IGFALS: variants seen among roughly 807,000 people sequenced by gnomAD.
IGFALS encodes the protein insulin like growth factor binding protein acid labile subunit, also known as insulin-like growth factor-binding protein complex acid labile subunit.
In IGFALS, 2 loss-of-function variants were observed where a neutral mutation model predicts 2.6. That is an observed-to-expected ratio of 0.77 (90% CI 0.32 to 2.44). The LOEUF (loss-of-function observed/expected upper bound fraction) is 2.44, where lower values mean the gene tolerates loss of function less well. IGFALS is among the 30% of genes most tolerant of loss of function. The pLI is 0.11. For synonymous variants in IGFALS, 519 were observed against 431.9 expected (o/e 1.20, Z -2.50); for missense variants, 996 against 848.7 (o/e 1.17, Z -2.16).
chr16:1,793,871 C>T, upstream of IGFALS: 1 of 433,208 alleles, frequency 2.3e-6, no homozygotes, highest in Non-Finnish European at 4.1e-6. Context: ...GAGGGAGCTT[C>T]AGTCGGGGCC....
At position 1,791,445 on chromosome 16, in the gene IGFALS, G is replaced by T. The variant is rs367952733; in HGVS notation, c.973C>A (p.Arg325Ser). 1.2e-6 allele frequency: 2 copies of T among 1,612,390 alleles called. No individual in the cohort carries two copies. Among genetic ancestry groups the T allele is most frequent in the African/African-American group, 1.3e-5 (1 of 75,058 alleles). The part of the protein sequence containing the change: ...FLEELQLGHN[R>S]IRQLAERSFE... ...CTGCGCTCAGCCAGCTGCCGGATGC[G>T]GTTGTGGCCCAGCTGCAGCTCCTCC... Residue 325 changes from arginine (R) to serine (S), a missense_variant, in exon 2 of 2, where the codon CGC (arginine) becomes AGC (serine). Arg to Ser is a moderately radical substitution (Grantham distance 110). Transcript: ENST00000215539.
In IGFALS at chr16:1,792,014, C is replaced by T. The variant is rs568872022; in HGVS notation, c.404G>A (p.Arg135His). ...TGCAAACGTGCCGAGTGCCAGGCTGCGCAGCTGGTTCCGCTCCAGGTGCAG... is the reference window on the plus strand; with the variant it reads ...TGCAAACGTGCCGAGTGCCAGGCTGTGCAGCTGGTTCCGCTCCAGGTGCAG... ...CHLHLERNQL[R>H]SLALGTFAHT... The change falls in exon 2 of 2, where the codon CGC (arginine) becomes CAC (histidine). Residue 135 changes from arginine (R) to histidine (H), a missense_variant. Physicochemically the swap from Arg to His is conservative, Grantham distance 29. Coordinates refer to ENST00000215539, the MANE Select transcript of IGFALS (RefSeq NM_004970.3). The T allele has an allele frequency of 5.3e-5, 85 of 1,609,498 alleles. 3 individuals are homozygous for T. In the South Asian group the frequency reaches 7.6e-4, roughly 14 times the overall value.
rs769145652 is a variant in IGFALS, at chr16:1,793,653, C to G, written c.-1G>C. The G allele has an allele frequency of 1.3e-6, 2 of 1,596,580 alleles. No individual in the cohort carries two copies. Among genetic ancestry groups the G allele is most frequent in the East Asian group, 4.5e-5 (2 of 44,168 alleles). ...GGGCCTCACCTTTCCTCAGGGCCATCCTGCATGCAGGGCAGGCTGCAGGCA... is the reference window on the plus strand; with the variant it reads ...GGGCCTCACCTTTCCTCAGGGCCATGCTGCATGCAGGGCAGGCTGCAGGCA... On this transcript the variant is annotated 5_prime_UTR_variant, in exon 1 of 2. Coordinates refer to ENST00000215539, the MANE Select transcript of IGFALS (RefSeq NM_004970.3).
Position 1,792,202 on chromosome 16 carries a change from G to C in IGFALS, c.216C>G (p.Val72=), listed in dbSNP as rs753460598. The C allele has an allele frequency of 1.4e-5, 22 of 1,610,298 alleles. No homozygotes were observed. In the South Asian group the frequency reaches 2.3e-4, roughly 17 times the overall value. Residue 72 remains valine, a synonymous_variant, in exon 2 of 2, where the codon GTC becomes GTG. Coordinates refer to ENST00000215539, the MANE Select transcript of IGFALS (RefSeq NM_004970.3). ...SRNLTRLPDG[V]PGGTQALWLD... is the part of the protein sequence containing the mutation. Reference sequence around the variant, plus strand: ...GCCACAGGGCTTGGGTGCCGCCCGGGACTCCATCAGGCAGGCGCGTGAGGT... The same window carrying C: ...GCCACAGGGCTTGGGTGCCGCCCGGCACTCCATCAGGCAGGCGCGTGAGGT...
chr16:1,790,939 G>A lies in IGFALS; in HGVS notation c.1479C>T (p.Arg493=), dbSNP rs1468137211. 2 of 1,594,132 alleles carry A rather than the reference G, an allele frequency of 1.3e-6. No individual in the cohort carries two copies. Among genetic ancestry groups the A allele is most frequent in the African/African-American group, 2.7e-5 (2 of 74,824 alleles). Residue 493 remains arginine (R), a synonymous_variant, in exon 2 of 2, where the codon CGC becomes CGT. Transcript: ENST00000215539. ...AGAGGCTGTTGGGCAATGCCTCCAG[G>A]CGGTTGTGCGAGACGTCCAGCCAGA... ...RAFWLDVSHN[R]LEALPNSLLA...
intron 1 of IGFALS, chr16:1,792,657 G>A (rs1475237561): frequency 4.0e-6 from 2 of 494,446 alleles, no homozygotes; most frequent in Non-Finnish European, 6.4e-6. Context: ...GCTGTGCGCA[G>A]GCCACGTGGG....
rs751658571 is a variant in IGFALS, at chr16:1,791,544, G to C, written c.874C>G (p.Leu292Val). The change falls in exon 2 of 2, where the codon CTG becomes GTG. Residue 292 changes from leucine to valine, a missense_variant. Transcript: ENST00000215539. ...TTGTGGGACAGCCGCAGCACACGCA[G>C]GCCCAGCAGACCGGGGAACGTGTCC... The part of the protein sequence containing the change: ...LEDTFPGLLG[L>V]RVLRLSHNAI... 7.0e-6 allele frequency: 11 copies of C among 1,581,502 alleles called. No individual in the cohort carries two copies. The South Asian group carries it at 1.3e-4, about 18-fold the overall frequency.
At position 1,790,734 on chromosome 16, in the gene IGFALS, C is replaced by G. The variant is rs190570821; in HGVS notation, c.1684G>C (p.Val562Leu). ...TCGTCCCCCTCACAGATGGCCTGGA[C>G]GAAGCGGGGCACAGCACTGGGGTTC... ...LQNPSAVPRF[V>L]QAICEGDDCQ... is the part of the protein sequence containing the mutation. The change falls in exon 2 of 2, where the codon GTC becomes CTC. Residue 562 changes from valine (V) to leucine (L), a missense_variant. Coordinates refer to ENST00000215539, the MANE Select transcript of IGFALS (RefSeq NM_004970.3). 1 of 1,606,150 alleles carries G rather than the reference C, an allele frequency of 6.2e-7. No individual in the cohort carries two copies. Among genetic ancestry groups the G allele is most frequent in the East Asian group, 2.2e-5 (1 of 44,516 alleles).
Position 1,791,523 on chromosome 16 carries a change from G to A in IGFALS, c.895C>T (p.His299Tyr), listed in dbSNP as rs777125326. 6.3e-7 allele frequency: 1 copy of A among 1,598,060 alleles called. No homozygotes were observed. The highest frequency in any genetic ancestry group is 1.3e-5 in the African/African-American group (1 of 74,504). Reference protein sequence around the residue: ...LLGLRVLRLSHNAIASLRPRT... With the variant: ...LLGLRVLRLSYNAIASLRPRT... The stretch of plus-strand genomic sequence containing the variant: ...GGCCGCAGGCTGGCGATGGCGTTGT[G>A]GGACAGCCGCAGCACACGCAGGCCC... The change falls in exon 2 of 2, where the codon CAC (histidine) becomes TAC (tyrosine). Residue 299 changes from histidine (H) to tyrosine (Y), a missense_variant. Coordinates refer to ENST00000215539, the MANE Select transcript of IGFALS (RefSeq NM_004970.3).
rs36098011 is a variant in IGFALS, at chr16:1,792,253, C to T, written c.165G>A (p.Glu55=). ...TCCTGGAGCTGCAGAAGACGCTGAG[C>T]TCATCCGCGTCGTCATCGTAGCTGC... ...CVCSYDDDAD[E]LSVFCSSRNL... Residue 55 remains glutamate, a synonymous_variant, in exon 2 of 2, where the codon GAG becomes GAA. Transcript: ENST00000215539. 22 of 1,602,696 alleles carry T rather than the reference C, an allele frequency of 1.4e-5. No individual in the cohort carries two copies. The highest frequency in any genetic ancestry group is 1.9e-5 in the Non-Finnish European group (22 of 1,179,720).
rs527997472 is a variant in IGFALS at position 1,792,219 on chromosome 16, G to A, written c.199C>T (p.Arg67Cys). ...CCGCCCGGGACTCCATCAGGCAGGC[G>A]CGTGAGGTTCCTGGAGCTGCAGAAG... ...SVFCSSRNLTRLPDGVPGGTQ... is the reference protein window; with the variant it reads ...SVFCSSRNLTCLPDGVPGGTQ... The change falls in exon 2 of 2, where the codon CGC becomes TGC. Residue 67 changes from arginine to cysteine, a missense_variant. Physicochemically the swap from Arg to Cys is radical, Grantham distance 180. Transcript: ENST00000215539. 1.1e-5 allele frequency: 18 copies of A among 1,607,842 alleles called. No individual in the cohort carries two copies. Among genetic ancestry groups the A allele is most frequent in the African/African-American group, 4.0e-5 (3 of 75,054 alleles).
In IGFALS at chr16:1,791,803, C is replaced by A; in HGVS notation, c.615G>T (p.Arg205Ser). 1.3e-6 allele frequency: 2 copies of A among 1,548,698 alleles called. No homozygotes were observed. The highest frequency in any genetic ancestry group is 1.7e-6 in the Non-Finnish European group (2 of 1,149,482). The change falls in exon 2 of 2, where the codon AGG (arginine) becomes AGT (serine). Residue 205 changes from arginine to serine, a missense_variant. Coordinates refer to ENST00000215539, the MANE Select transcript of IGFALS (RefSeq NM_004970.3). ...AGAGCGCGGGCTGCAGGTAGGCCAG[C>A]CTGTTGCCCGCCAGCACCAGCTCGC... ...SLRELVLAGN[R>S]LAYLQPALFS...
At chr16:1,793,570 C>G in intron 1 of IGFALS, 67 bp downstream of exon 1, 1 of 1,509,198 alleles carries the variant, frequency 6.6e-7, no homozygotes, top group Non-Finnish European at 9.0e-7. Context: ...CCGGCCTCTC[C>G]CCAGCGGGCT....
upstream of IGFALS, chr16:1,794,888 G>A (rs529295455): frequency 1.1e-4 from 75 of 702,310 alleles, no homozygotes; most frequent in Admixed American, 1.6e-4. Context: ...CACTGTCATC[G>A]TCTTCCCTTT....
rs1276810237 is a variant in IGFALS, at chr16:1,790,489, C to T, written c.*111G>A. 8.5e-6 allele frequency: 8 copies of T among 944,842 alleles called. No homozygotes were observed. The highest frequency in any genetic ancestry group is 1.4e-5 in the South Asian group (1 of 71,600). 58.5% of individuals were successfully genotyped at this position (944,842 alleles called of 1,614,324 possible). ...TGCCTTCCACCCCATCAGGCCCTTG[C>T]GTCTTCCAGCAAGTGCACTGGGCAG... On this transcript the variant is annotated 3_prime_UTR_variant, in exon 2 of 2. Coordinates refer to ENST00000215539, the MANE Select transcript of IGFALS (RefSeq NM_004970.3).
intron 1 of IGFALS, among the ~76,000 whole-genome samples, chr16:1,792,900 C>G (rs780035172): frequency 2.9e-4 from 44 of 152,362 alleles, no homozygotes; most frequent in Middle Eastern, 3.4e-3. Flanking sequence ...GTTAGGCCCC[C>G]CAGCGGGGTC....
chr16:1,791,769 G>C lies in IGFALS; in HGVS notation c.649C>G (p.Leu217Val). 6.5e-7 allele frequency: 1 copy of C among 1,549,360 alleles called. No individual in the cohort carries two copies. The highest frequency in any genetic ancestry group is 8.7e-7 in the Non-Finnish European group (1 of 1,151,078). Residue 217 changes from leucine to valine, a missense_variant, in exon 2 of 2, where the codon CTG becomes GTG. By Grantham distance (32) the Leu-to-Val change is conservative. Transcript: ENST00000215539. The part of the protein sequence containing the change: ...AYLQPALFSG[L>V]AELRELDLSR... ...AGGTCCAGCTCCCGGAGCTCGGCCA[G>C]GCCGCTGAAGAGCGCGGGCTGCAGG...
At chr16:1,794,118 C>T (rs2142014227), upstream of IGFALS, among the ~76,000 whole-genome samples, 1 of 152,170 alleles carries the variant, frequency 6.6e-6, no homozygotes, top group Non-Finnish European at 1.5e-5. Context: ...GAGTAGCCAG[C>T]CGTGTGGGGC....
chr16:1,794,444 C>T (rs1897291795), upstream of IGFALS, among the ~76,000 whole-genome samples: 1 of 152,158 alleles, frequency 6.6e-6, no homozygotes, highest in Non-Finnish European at 1.5e-5. Context: ...CCTCACCTGC[C>T]CCTTGCTGTC....
Sources: allele counts gnomAD v4.1 joint callset (sites outside exome capture counted in the v4.1 genomes callset), GRCh38; gene constraint gnomAD v4.1.1; transcripts MANE v1.5; gene names NCBI Gene and HGNC (gene_info 2026-07-23, HGNC 2026-07-21).